Variants in RLF observed in about 807,000 individuals in gnomAD.
RLF encodes RLF zinc finger.
RLF carries 7 observed loss-of-function variants against 162.9 expected under a neutral mutation model. The ratio of observed to expected loss-of-function variants is 0.04; its 90% CI spans 0.02 to 0.08. RLF has a LOEUF of 0.08. Ranked by LOEUF, RLF falls within the 10% of genes least tolerant of loss-of-function variation. RLF has a pLI of 1.00. For synonymous variants in RLF, 782 were observed against 791.5 expected (o/e 0.99, Z 0.20); for missense variants, 1,664 against 2,244.7 (o/e 0.74, Z 5.23).
intron 5 of RLF, among the ~76,000 whole-genome samples, chr1:40,218,239 C>A (rs1210309107): frequency 6.6e-6 from 1 of 152,208 alleles, no homozygotes; most frequent in Admixed American, 6.5e-5. Context: ...AAAGTACCAT[C>A]ACCCTCTAAC....
At position 40,161,921 on chromosome 1, in the gene RLF, C is replaced by G. The variant is rs552334004; in HGVS notation, c.237+285C>G. 9.2e-5 allele frequency among the ~76,000 whole-genome samples: 14 copies of G among 152,338 alleles called. No individual in the cohort carries two copies. Among genetic ancestry groups the G allele is most frequent in the African/African-American group, 3.4e-4 (14 of 41,584 alleles). On this transcript the variant is annotated intron_variant, in intron 1 of 7. Transcript: ENST00000372771. This position sits in a 1 kb window ranked among gnomAD's most constrained non-coding sequence, Gnocchi z 4.4. ...GTGCCCTGTCGCCGTTGCCTGTGTCCTGGCCGGGTGGTTGGAGCGCCACTG... is the reference window on the plus strand; with the variant it reads ...GTGCCCTGTCGCCGTTGCCTGTGTCGTGGCCGGGTGGTTGGAGCGCCACTG...
At chr1:40,169,529 T>C (rs1310736124) in intron 1 of RLF, among the ~76,000 whole-genome samples, 11 of 138,010 alleles carry the variant, frequency 8.0e-5, no homozygotes, top group Non-Finnish European at 1.2e-4. Context: ...GGCAGGAGAA[T>C]GGCGTGAACC....
chr1:40,206,980 A>G (rs1448677698), intron 5 of RLF, among the ~76,000 whole-genome samples: 3 of 152,210 alleles, frequency 2.0e-5, no homozygotes, highest in African/African-American at 7.2e-5. Flanking sequence ...TGCTGTCATT[A>G]TTATAAATAT....
chr1:40,182,157 G>A (rs757483110), intron 1 of RLF, among the ~76,000 whole-genome samples: 1 of 152,032 alleles, frequency 6.6e-6, no homozygotes. Context: ...TCAAGCGGCC[G>A]GCATGGTGGC....
At chr1:40,173,034 T>C (rs977271164) in intron 1 of RLF, among the ~76,000 whole-genome samples, 6 of 151,942 alleles carry the variant, frequency 3.9e-5, no homozygotes, top group African/African-American at 1.5e-4. Context: ...GAAAGAATTA[T>C]CAGATTGTTA....
intron 3 of RLF, among the ~76,000 whole-genome samples, chr1:40,191,805 T>C (rs1004216720): frequency 6.6e-6 from 1 of 152,250 alleles, no homozygotes; most frequent in Non-Finnish European, 1.5e-5. Flanking sequence ...CACTACATTT[T>C]ACTTGTTTTA....
At chr1:40,195,963 C>T (rs1488187782) in intron 4 of RLF, among the ~76,000 whole-genome samples, 199 bp downstream of exon 4, 2 of 152,116 alleles carry the variant, frequency 1.3e-5, no homozygotes, top group Non-Finnish European at 2.9e-5. Context: ...TCCCTTTACA[C>T]TCATTTTTAA....
intron 1 of RLF, among the ~76,000 whole-genome samples, chr1:40,164,481 G>A (rs1282395971): frequency 6.6e-6 from 1 of 152,168 alleles, no homozygotes; most frequent in Non-Finnish European, 1.5e-5. Flanking sequence ...ATGATACTTA[G>A]GTCAAACTGT....
At position 40,196,229 on chromosome 1, in the gene RLF, C is replaced by T. The variant is rs543142950; in HGVS notation, c.607+465C>T. ...CTGGGATTACAGGCGCGCGCCACCACGCCTGGCTAAGTTTTGTATTTTTTA... is the reference window on the plus strand; with the variant it reads ...CTGGGATTACAGGCGCGCGCCACCATGCCTGGCTAAGTTTTGTATTTTTTA... On this transcript the variant is annotated intron_variant, in intron 4 of 7. Coordinates refer to ENST00000372771, the MANE Select transcript of RLF (RefSeq NM_012421.4). 1.0e-3 allele frequency among the ~76,000 whole-genome samples: 152 copies of T among 151,868 alleles called. 1 individual carries two copies. The highest frequency in any genetic ancestry group is 3.5e-3 in the African/African-American group (144 of 41,450).
At chr1:40,168,730 C>A (rs937898797) in intron 1 of RLF, among the ~76,000 whole-genome samples, 1 of 152,036 alleles carries the variant, frequency 6.6e-6, no homozygotes, top group African/African-American at 2.4e-5. Flanking sequence ...CGGTGGCTCT[C>A]CCCTGTAATA....
intron 4 of RLF, 106 bp downstream of exon 4, chr1:40,195,870 T>C: frequency 1.0e-6 from 1 of 978,510 alleles, no homozygotes; most frequent in Non-Finnish European, 1.5e-6. Flanking sequence ...CTAGTCTTTC[T>C]GTTTTTACTT....
chr1:40,182,156 C>T lies in RLF; in HGVS notation c.238-6899C>T, dbSNP rs554257299. 1.1e-3 allele frequency among the ~76,000 whole-genome samples: 163 copies of T among 151,936 alleles called. 2 individuals are homozygous for T. Among genetic ancestry groups the T allele is most frequent in the Non-Finnish European group, 1.9e-3 (131 of 67,902 alleles). The stretch of plus-strand genomic sequence containing the variant: ...GCATTTAAAAAAACCCTCAAGCGGC[C>T]GGCATGGTGGCTCATGCCTGTAATT... On this transcript the variant is annotated intron_variant, in intron 1 of 7. Transcript: ENST00000372771.
Position 40,181,990 on chromosome 1 carries a change from C to T in RLF, c.238-7065C>T, listed in dbSNP as rs181019326. Among the ~76,000 whole-genome samples the T allele has an allele frequency of 1.1e-4, 16 of 152,232 alleles. No individual in the cohort carries two copies. The East Asian group carries it at 2.5e-3, about 24-fold the overall frequency. On this transcript the variant is annotated intron_variant, in intron 1 of 7. Transcript: ENST00000372771. Reference sequence around the variant, plus strand: ...TATATAATACTGCAAAGTTAGAAGACATTATGTCCATAAATAAATAATTGG... The same window carrying T: ...TATATAATACTGCAAAGTTAGAAGATATTATGTCCATAAATAAATAATTGG...
intron 5 of RLF, 78 bp downstream of exon 5, chr1:40,202,692 C>A: frequency 1.1e-6 from 1 of 889,296 alleles, no homozygotes; most frequent in Non-Finnish European, 1.6e-6. Flanking sequence ...TTTATTTTTT[C>A]CCTTTAGAAT....
In RLF at chr1:40,238,876, A is replaced by T. The variant is rs1317399232; in HGVS notation, c.4174A>T (p.Ile1392Phe). Reference protein sequence around the residue: ...HCSDSHNLDHIEEPKVLSEAG... With the variant: ...HCSDSHNLDHFEEPKVLSEAG... ...TAGTGATTCTCATAACCTAGACCAT[A>T]TTGAAGAGCCTAAAGTACTTTCCGA... The change falls in exon 8 of 8, where the codon ATT becomes TTT. Residue 1392 changes from isoleucine (I) to phenylalanine (F), a missense_variant. Ile to Phe is a conservative substitution (Grantham distance 21). Around this residue, in one of 15 missense-constraint regions of RLF, gnomAD observed 200 missense variants for 207.3 expected, o/e 0.96. Coordinates refer to ENST00000372771, the MANE Select transcript of RLF (RefSeq NM_012421.4). The surrounding 1 kb of genome is among the most constrained non-coding windows in gnomAD (Gnocchi z 5.2). 1.2e-6 allele frequency: 2 copies of T among 1,614,114 alleles called. No homozygotes were observed. Among genetic ancestry groups the T allele is most frequent in the Admixed American group, 1.7e-5 (1 of 60,006 alleles).
At chr1:40,169,785 C>T (rs181551689) in intron 1 of RLF, among the ~76,000 whole-genome samples, 1,869 of 150,690 alleles carry the variant, frequency 0.012, 15 homozygotes, top group Middle Eastern at 0.035. Context: ...CTCCGCCTCC[C>T]GGGTTCAAGT....
intron 6 of RLF, among the ~76,000 whole-genome samples, chr1:40,226,420 T>C (rs1643076255): frequency 6.6e-6 from 1 of 152,212 alleles, no homozygotes; most frequent in Non-Finnish European, 1.5e-5. Context: ...CAGTAAGCTT[T>C]CAGTGAGTAT....
Position 40,238,781 on chromosome 1 carries a change from A to G in RLF, c.4079A>G (p.Lys1360Arg), listed in dbSNP as rs1404244521. The change falls in exon 8 of 8, where the codon AAG becomes AGG. Residue 1360 changes from lysine (K) to arginine (R), a missense_variant. Around this residue, in one of 15 missense-constraint regions of RLF, gnomAD observed 200 missense variants for 207.3 expected, o/e 0.96. Transcript: ENST00000372771. The surrounding 1 kb of genome is among the most constrained non-coding windows in gnomAD (Gnocchi z 5.2). ...RTKRELVKCK[K>R]IFACKYKECN... ...AAAAGGGAACTTGTCAAATGTAAAA[A>G]GATATTTGCTTGCAAATATAAGGAA... The G allele has an allele frequency of 3.1e-6, 5 of 1,612,766 alleles. No individual in the cohort carries two copies. The highest frequency in any genetic ancestry group is 4.2e-6 in the Non-Finnish European group (5 of 1,179,572).
At chr1:40,188,045 G>C (rs750297487) in intron 1 of RLF, among the ~76,000 whole-genome samples, 1 of 152,174 alleles carries the variant, frequency 6.6e-6, no homozygotes, top group Non-Finnish European at 1.5e-5. Context: ...GTGTATTCCA[G>C]GGAGAAGGCT....
Sources: gnomAD v4.1 joint callset for allele counts (sites outside exome capture counted in the v4.1 genomes callset) on GRCh38, gnomAD v4.1.1 for gene constraint, gnomAD v4.1.1 regional missense constraint, Gnocchi (gnomAD v3.1) non-coding constraint, MANE v1.5 for transcripts, NCBI Gene and HGNC (gene_info 2026-07-23, HGNC 2026-07-21) for gene names.